The following DLGAP2 variants were observed in gnomAD, a reference collection of about 807,000 sequenced individuals.
DLGAP2 encodes the protein disks large-associated protein 2.
Under a neutral mutation model 100.3 loss-of-function variants are expected in DLGAP2, and 26 were observed. The observed-to-expected ratio is 0.26, with a 90% CI of 0.19 to 0.36. DLGAP2 has a LOEUF of 0.36. DLGAP2 is among the 10% of genes least tolerant of loss of function. The pLI is 1.00. For missense variants in DLGAP2, 1,858 were observed against 1,453.2 expected (o/e 1.28, Z -4.53); for synonymous variants, 886 against 630.1 (o/e 1.41, Z -6.08).
chr8:1,176,947 G>T (rs1237800037), intron 2 of DLGAP2, among the ~76,000 whole-genome samples: 2 of 152,302 alleles, frequency 1.3e-5, no homozygotes, highest in East Asian at 3.9e-4. Flanking sequence ...ACAATTCTGG[G>T]AACTGAGCAA....
intron 3 of DLGAP2, among the ~76,000 whole-genome samples, chr8:1,358,693 AC>A (rs1801909881): frequency 6.6e-6 from 1 of 152,028 alleles, no homozygotes; most frequent in South Asian, 2.1e-4. Flanking sequence ...TTTAGGAGAA[AC>A]GTGTTATCCC....
At position 1,433,152 on chromosome 8, in the gene DLGAP2, G is replaced by T. The variant is rs979210885; in HGVS notation, c.107-68214G>T. On this transcript the variant is annotated intron_variant, in intron 3 of 14. Transcript: ENST00000637795. ...GCAGGGGAGGAAGCCCCCGCCATGA[G>T]CCCAAAGCCCCTCCAGGAACGTGCG... Among the ~76,000 whole-genome samples the T allele has an allele frequency of 2.6e-5, 4 of 152,214 alleles. No homozygotes were observed. In the East Asian group the frequency reaches 5.8e-4, roughly 22 times the overall value.
At chr8:797,197 G>A (rs978420892) in intron 1 of DLGAP2, among the ~76,000 whole-genome samples, 3 of 152,200 alleles carry the variant, frequency 2.0e-5, no homozygotes, top group African/African-American at 7.2e-5. Flanking sequence ...CGAAAGTCCT[G>A]TGTGCCCGTT....
At chr8:1,454,355 GTT>G (rs778104515) in intron 3 of DLGAP2, among the ~76,000 whole-genome samples, 3 of 145,628 alleles carry the variant, frequency 2.1e-5, no homozygotes, top group African/African-American at 5.0e-5. Flanking sequence ...CCTCTGTAAC[GTT>G]TTTTTTTTTT....
intron 2 of DLGAP2, among the ~76,000 whole-genome samples, chr8:909,215 CTT>C (rs1268128843): frequency 2.0e-5 from 3 of 152,102 alleles, no homozygotes; most frequent in African/African-American, 4.8e-5. Flanking sequence ...TTTTGGGCCT[CTT>C]TTTATTTTCT....
At chr8:930,804 C>G (rs1475238206) in intron 2 of DLGAP2, among the ~76,000 whole-genome samples, 1 of 152,198 alleles carries the variant, frequency 6.6e-6, no homozygotes, top group Non-Finnish European at 1.5e-5. Flanking sequence ...GTCCTGTGAA[C>G]AGTGAAAACC....
chr8:1,358,069 C>G (rs977137660), intron 3 of DLGAP2, among the ~76,000 whole-genome samples: 68 of 152,288 alleles, frequency 4.5e-4, no homozygotes, highest in African/African-American at 1.4e-3. Context: ...GGGGCACAGG[C>G]AGCGTCAGAA....
At chr8:1,445,067 G>C (rs1331436332) in intron 3 of DLGAP2, among the ~76,000 whole-genome samples, 2 of 121,860 alleles carry the variant, frequency 1.6e-5, no homozygotes, top group Non-Finnish European at 3.3e-5. Flanking sequence ...ACCGCGCCCA[G>C]CCAGATCATT....
intron 3 of DLGAP2, among the ~76,000 whole-genome samples, chr8:1,322,461 C>G (rs1430858062): frequency 6.6e-6 from 1 of 151,852 alleles, no homozygotes; most frequent in Non-Finnish European, 1.5e-5. Context: ...CGTGGAAATG[C>G]GTGCACCCGC....
chr8:1,425,174 C>T (rs1797204371), intron 3 of DLGAP2, among the ~76,000 whole-genome samples: 2 of 152,138 alleles, frequency 1.3e-5, no homozygotes, highest in Admixed American at 1.3e-4. Context: ...TAAATTATGC[C>T]TAACTCCATA....
intron 3 of DLGAP2, chr8:1,296,898 A>T (rs1800192532): frequency 2.0e-5 from 3 of 152,710 alleles, no homozygotes. Context: ...TGGAATCCTG[A>T]GTCTGTGTAG....
chr8:1,185,481 AAGG>A (rs1482507430), intron 2 of DLGAP2, among the ~76,000 whole-genome samples: 1 of 152,130 alleles, frequency 6.6e-6, no homozygotes, highest in Non-Finnish European at 1.5e-5. Flanking sequence ...AATTGACTAA[AAGG>A]AGGAATTTTT....
intron 3 of DLGAP2, among the ~76,000 whole-genome samples, chr8:1,418,997 G>A (rs1025951454): frequency 5.3e-5 from 8 of 152,240 alleles, no homozygotes; most frequent in African/African-American, 9.6e-5. Flanking sequence ...AGGCACAGCC[G>A]AACGAAGGGG....
rs752698118 is a variant in DLGAP2, at chr8:1,626,791, C to A, written c.1494C>A (p.Asp498Glu). Residue 498 changes from aspartate (D) to glutamate (E), a missense_variant, in exon 7 of 15, where the codon GAC becomes GAA. Transcript: ENST00000637795. ...ATGTGCCTGTGGGACACAGCCTGGA[C>A]CCCGCTGCGAACTACAACTCCCCGA... is the stretch of plus-strand genomic sequence containing the variant. ...ASDVPVGHSL[D>E]PAANYNSPKF... 1 of 1,603,622 alleles carries A rather than the reference C, an allele frequency of 6.2e-7. No individual in the cohort carries two copies.
chr8:915,973 G>T (rs191656501), intron 2 of DLGAP2, among the ~76,000 whole-genome samples: 1 of 149,010 alleles, frequency 6.7e-6, no homozygotes, highest in African/African-American at 2.5e-5. Context: ...TCACCCGTCC[G>T]TCCATCTGTC....
rs560744543 is a variant in DLGAP2 at position 1,011,344 on chromosome 8, C to T, written c.73+103378C>T. On this transcript the variant is annotated intron_variant, in intron 2 of 14. Coordinates refer to ENST00000637795, the MANE Select transcript of DLGAP2 (RefSeq NM_001346810.2). ...CCCTGGAATGAGGGGTCTCAGTCTGCACAGTGAGCCCTGGAATGAGGGGTC... is the reference window on the plus strand; with the variant it reads ...CCCTGGAATGAGGGGTCTCAGTCTGTACAGTGAGCCCTGGAATGAGGGGTC... Among the ~76,000 whole-genome samples the T allele has an allele frequency of 2.7e-5, 4 of 148,224 alleles. No individual in the cohort carries two copies. The South Asian group carries it at 6.6e-4, about 24-fold the overall frequency.
Position 1,326,591 on chromosome 8 carries a change from C to T in DLGAP2, c.106+67708C>T, listed in dbSNP as rs149781632. Among the ~76,000 whole-genome samples the T allele has an allele frequency of 3.5e-3, 537 of 151,964 alleles. 1 individual carries two copies. Among genetic ancestry groups the T allele is most frequent in the African/African-American group, 0.013 (519 of 41,446 alleles). On this transcript the variant is annotated intron_variant, in intron 3 of 14. Coordinates refer to ENST00000637795, the MANE Select transcript of DLGAP2 (RefSeq NM_001346810.2). Reference sequence around the variant, plus strand: ...CTCAGTCCGGGCTTGTCACTCAGGACACGGCGCGTGCTCGGTCTCAGTCTT... The same window carrying T: ...CTCAGTCCGGGCTTGTCACTCAGGATACGGCGCGTGCTCGGTCTCAGTCTT...
At chr8:1,232,595 C>T (rs998813191) in intron 2 of DLGAP2, among the ~76,000 whole-genome samples, 2 of 152,184 alleles carry the variant, frequency 1.3e-5, no homozygotes, top group Non-Finnish European at 2.9e-5. Flanking sequence ...TTTACATTGG[C>T]TGATGTTTGT....
chr8:1,497,685 C>T (rs1461567219), intron 3 of DLGAP2, among the ~76,000 whole-genome samples: 1 of 152,190 alleles, frequency 6.6e-6, no homozygotes, highest in South Asian at 2.1e-4. Context: ...ATGGCCTGTC[C>T]AGGCGAACAG....
Sources: gnomAD v4.1 joint callset for allele counts (sites outside exome capture counted in the v4.1 genomes callset) on GRCh38, gnomAD v4.1.1 for gene constraint, MANE v1.5 for transcripts, NCBI Gene and HGNC (gene_info 2026-07-23, HGNC 2026-07-21) for gene names.